The following TMOD1 variants were observed in gnomAD, a reference collection of about 807,000 sequenced individuals.
TMOD1 encodes tropomodulin 1, also known as tropomodulin-1.
A neutral mutation model predicts 40.6 loss-of-function variants in TMOD1; 17 were observed. The ratio of observed to expected loss-of-function variants is 0.42; its 90% CI spans 0.29 to 0.63. The LOEUF (loss-of-function observed/expected upper bound fraction) is 0.63. Ranked by LOEUF, TMOD1 falls within the 20% of genes least tolerant of loss-of-function variation. TMOD1 has a pLI of 0.22. For missense variants in TMOD1, 391 were observed against 447.6 expected, an observed-to-expected ratio of 0.87 and a Z score of 1.14; for synonymous variants, 181 against 175.0, an observed-to-expected ratio of 1.03 and a Z score of -0.27.
chr9:97,545,298 AT>A (rs1830343743), intron 2 of TMOD1, among the ~76,000 whole-genome samples: 1 of 152,190 alleles, frequency 6.6e-6, no homozygotes, highest in Admixed American at 6.5e-5. Context: ...TGCACTGATG[AT>A]CTCTAAGCAT....
At chr9:97,514,243 G>T (rs1446225272) in intron 1 of TMOD1, among the ~76,000 whole-genome samples, 17 of 143,252 alleles carry the variant, frequency 1.2e-4, no homozygotes, top group African/African-American at 3.1e-4. Flanking sequence ...TTTTTTTTGG[G>T]GGGGGGGTTG....
At position 97,598,463 on chromosome 9, in the gene TMOD1, G is replaced by C. The variant is rs185412670; in HGVS notation, c.1016-1171G>C. On this transcript the variant is annotated intron_variant, in intron 9 of 9. Coordinates refer to ENST00000259365, the MANE Select transcript of TMOD1 (RefSeq NM_003275.4). ...GGTAACTAACATTCCAGCAGCGTTG[G>C]AGGGGCTCCGATGAGGCAATGAGGA... is the stretch of plus-strand genomic sequence containing the variant. 1.8e-3 allele frequency among the ~76,000 whole-genome samples: 271 copies of C among 152,274 alleles called. 3 individuals carry two copies. Among genetic ancestry groups the C allele is most frequent in the Non-Finnish European group, 1.0e-3 (68 of 68,022 alleles).
chr9:97,601,292 G>A lies in TMOD1; in HGVS notation c.*1594G>A. The A allele has an allele frequency of 8.4e-7, 1 of 1,187,760 alleles. No individual in the cohort carries two copies. Among genetic ancestry groups the A allele is most frequent in the South Asian group, 1.6e-5 (1 of 64,104 alleles). 73.6% of individuals were successfully genotyped at this position (1,187,760 alleles called of 1,614,324 possible). A position where few individuals can be genotyped will look rare whatever the true frequency, so the allele number is the denominator to read the frequency against. Reference sequence around the variant, plus strand: ...TGTTTCTTGGAACCTGTGTGACAGGGACATGTGCCTGGCACACTGGCCAGA... The same window carrying A: ...TGTTTCTTGGAACCTGTGTGACAGGAACATGTGCCTGGCACACTGGCCAGA... On this transcript the variant is annotated 3_prime_UTR_variant, in exon 10 of 10. Transcript: ENST00000259365.
intron 8 of TMOD1, among the ~76,000 whole-genome samples, chr9:97,587,736 T>G (rs1001705756): frequency 1.3e-5 from 2 of 152,188 alleles, no homozygotes; most frequent in South Asian, 4.1e-4. Flanking sequence ...TCTGTACCCA[T>G]TAGCTCTCAT....
chr9:97,538,843 A>C (rs1830230989), intron 2 of TMOD1, among the ~76,000 whole-genome samples: 1 of 151,242 alleles, frequency 6.6e-6, no homozygotes, highest in Non-Finnish European at 1.5e-5. Flanking sequence ...AAAAATACAA[A>C]AAAAAAAAAA....
chr9:97,597,077 A>G (rs901986517), intron 9 of TMOD1, among the ~76,000 whole-genome samples: 1 of 152,264 alleles, frequency 6.6e-6, no homozygotes, highest in African/African-American at 2.4e-5. Flanking sequence ...GAAATGTTCA[A>G]ATTTGGCAAG....
intron 9 of TMOD1, among the ~76,000 whole-genome samples, chr9:97,597,314 G>A (rs537717800): frequency 2.0e-5 from 3 of 152,180 alleles, no homozygotes; most frequent in Non-Finnish European, 4.4e-5. Context: ...CCCTCTCCTG[G>A]TCTCAACTTC....
intron 2 of TMOD1, 35 bp from the exon 3 acceptor site, chr9:97,546,150 C>G (rs756813847): frequency 2.5e-6 from 4 of 1,574,174 alleles, no homozygotes; most frequent in Non-Finnish European, 3.4e-6. Flanking sequence ...CTCTCTCTTT[C>G]TCTCTCTCCT....
intron 3 of TMOD1, among the ~76,000 whole-genome samples, chr9:97,549,694 A>G (rs1830418519): frequency 6.6e-6 from 1 of 152,160 alleles, no homozygotes; most frequent in Non-Finnish European, 1.5e-5. Context: ...ATTCACAATC[A>G]TTTCCTCACT....
At chr9:97,584,372 G>T (rs1348146008) in intron 8 of TMOD1, among the ~76,000 whole-genome samples, 6 of 151,262 alleles carry the variant, frequency 4.0e-5, no homozygotes, top group Admixed American at 6.6e-5. Flanking sequence ...GAGATAGTTT[G>T]TTATAATTTC....
chr9:97,596,224 C>T (rs897908761), intron 9 of TMOD1, among the ~76,000 whole-genome samples: 5 of 152,070 alleles, frequency 3.3e-5, no homozygotes, highest in African/African-American at 9.7e-5. Context: ...GTTGAGCCCT[C>T]GTCACAGTTA....
rs1830601787 is a variant in TMOD1, at chr9:97,559,797, ATATATATATAT to A, written c.398-2934_398-2924del. 8.7e-5 allele frequency among the ~76,000 whole-genome samples: 5 copies of A among 57,282 alleles called. No individual in the cohort carries two copies. The South Asian group carries it at 2.6e-3, about 30-fold the overall frequency. The allele number at this position is 57,282 out of a possible 152,430, so 37.6% of individuals were successfully genotyped here. ...TAAAAAAAAAAAAAAAAAAAAAAAT[ATATATATATAT>A]ATATATATATATATATGTCTATCTA... On this transcript the variant is annotated intron_variant, in intron 4 of 9. Coordinates refer to ENST00000259365, the MANE Select transcript of TMOD1 (RefSeq NM_003275.4).
intron 8 of TMOD1, among the ~76,000 whole-genome samples, chr9:97,576,855 G>A (rs569395686): frequency 2.2e-4 from 33 of 151,860 alleles, no homozygotes; most frequent in Non-Finnish European, 4.1e-4. Context: ...TAGCCAGGAT[G>A]GTCTCGATCT....
chr9:97,550,122 A>G lies in TMOD1; in HGVS notation c.278-3159A>G, dbSNP rs574875015. 2.0e-5 allele frequency among the ~76,000 whole-genome samples: 3 copies of G among 152,342 alleles called. No individual in the cohort carries two copies. The South Asian group carries it at 6.2e-4, about 32-fold the overall frequency. ...TTTACTTATTTTGTATACTTTCTAC[A>G]AATGAAATCATACAATATGTGACTT... On this transcript the variant is annotated intron_variant, in intron 3 of 9. Coordinates refer to ENST00000259365, the MANE Select transcript of TMOD1 (RefSeq NM_003275.4).
chr9:97,563,747 C>T (rs762183163), intron 5 of TMOD1, among the ~76,000 whole-genome samples: 17 of 152,314 alleles, frequency 1.1e-4, no homozygotes, highest in South Asian at 4.1e-4. Context: ...TCATGAGCCC[C>T]GGGAAAATGA....
rs930602853 is a variant in TMOD1, at chr9:97,582,910, T to C, written c.871-8381T>C. ...TTAAGGAGATTTTGGGCTGAGACAA[T>C]GGGGTTTTCTAGAAATACAATCATG... is the stretch of plus-strand genomic sequence containing the variant. On this transcript the variant is annotated intron_variant, in intron 8 of 9. Coordinates refer to ENST00000259365, the MANE Select transcript of TMOD1 (RefSeq NM_003275.4). Among the ~76,000 whole-genome samples, 12 of 151,062 alleles carry C rather than the reference T, an allele frequency of 7.9e-5. 2 individuals carry two copies. Among genetic ancestry groups the C allele is most frequent in the African/African-American group, 3.0e-4 (12 of 40,646 alleles).
At chr9:97,563,902 C>A in intron 5 of TMOD1, 136 bp from the exon 6 acceptor site, 735 of 884,640 alleles carry the variant, frequency 8.3e-4, no homozygotes, top group Middle Eastern at 1.5e-3. Context: ...GTGCCCCCTA[C>A]CCCCACCCAG....
At chr9:97,578,539 TA>T (rs1825665672) in intron 8 of TMOD1, among the ~76,000 whole-genome samples, 1 of 152,134 alleles carries the variant, frequency 6.6e-6, no homozygotes, top group Admixed American at 6.5e-5. Flanking sequence ...TACTGGACAC[TA>T]ATGTGAGAAC....
chr9:97,569,130 T>C, intron 8 of TMOD1, 93 bp downstream of exon 8: 1 of 1,520,508 alleles, frequency 6.6e-7, no homozygotes, highest in Non-Finnish European at 9.0e-7. Flanking sequence ...CTGAGAATGC[T>C]GATGATAGAA....
Sources: gnomAD v4.1 joint callset for allele counts (sites outside exome capture counted in the v4.1 genomes callset) on GRCh38, gnomAD v4.1.1 for gene constraint, MANE v1.5 for transcripts, NCBI Gene and HGNC (gene_info 2026-07-23, HGNC 2026-07-21) for gene names.